Variants in SLC41A3 observed in about 807,000 individuals in gnomAD.
The protein encoded by SLC41A3 is solute carrier family 41 member 3.
A neutral mutation model predicts 45.4 loss-of-function variants in SLC41A3; 44 were observed. The observed-to-expected ratio is 0.97, with a 90% CI of 0.76 to 1.25. The LOEUF (loss-of-function observed/expected upper bound fraction) is 1.25. Ranked by LOEUF, SLC41A3 falls within the 50% of genes most tolerant of loss-of-function variation. The pLI, the probability that SLC41A3 is intolerant of heterozygous loss-of-function variation, is 0.00. For missense variants in SLC41A3, 550 were observed against 600.6 expected (o/e 0.92, Z 0.88); for synonymous variants, 256 against 252.4 (o/e 1.01, Z -0.13).
At chr3:126,030,905 T>G (rs1941751121) in intron 4 of SLC41A3, among the ~76,000 whole-genome samples, 1 of 152,224 alleles carries the variant, frequency 6.6e-6, no homozygotes, top group African/African-American at 2.4e-5. Context: ...GGGGGAAACT[T>G]TGGCTACAAT....
chr3:126,097,990 G>A (rs148976065), intron 1 of SLC41A3, among the ~76,000 whole-genome samples: 1 of 152,318 alleles, frequency 6.6e-6, no homozygotes, highest in Non-Finnish European at 1.5e-5. Flanking sequence ...AGGCCTGGCT[G>A]GAGTCTAAGC....
At chr3:126,070,971 T>C (rs146042119) in intron 1 of SLC41A3, among the ~76,000 whole-genome samples, 42 of 152,154 alleles carry the variant, frequency 2.8e-4, no homozygotes, top group Admixed American at 4.6e-4. Context: ...AAGGTGCTGA[T>C]TGTAATCCTC....
At chr3:126,030,969 T>C (rs1169919228) in intron 4 of SLC41A3, among the ~76,000 whole-genome samples, 2 of 152,336 alleles carry the variant, frequency 1.3e-5, no homozygotes, top group East Asian at 3.9e-4. Context: ...TTTGTGTATT[T>C]GTACAAAGCA....
chr3:126,046,961 C>CAAAAAAA (rs36095026), intron 3 of SLC41A3, among the ~76,000 whole-genome samples: 1 of 81,200 alleles, frequency 1.2e-5, no homozygotes, highest in African/African-American at 4.5e-5. Flanking sequence ...AACTCCATCT[C>CAAAAAAA]AAAAAAAAAA....
chr3:126,079,321 C>T (rs957296971), intron 1 of SLC41A3, among the ~76,000 whole-genome samples: 1 of 146,200 alleles, frequency 6.8e-6, no homozygotes, highest in East Asian at 2.0e-4. Context: ...AAAGCAAAAA[C>T]CAAAGGGGAA....
chr3:126,100,075 C>T (rs868531069), intron 1 of SLC41A3, among the ~76,000 whole-genome samples: 84 of 152,118 alleles, frequency 5.5e-4, no homozygotes, highest in African/African-American at 1.9e-3. Flanking sequence ...GTCATTCCCA[C>T]AAAGAACAGG....
rs183331837 is a variant in SLC41A3 at position 126,047,627 on chromosome 3, C to T, written c.381+3316G>A. On this transcript the variant is annotated intron_variant, in intron 3 of 10. Transcript: ENST00000360370. The stretch of plus-strand genomic sequence containing the variant: ...ATATGGTCAAATGACAAGGGTGCCA[C>T]GGACATTCAATGGGAAAAGGAGAGT... Among the ~76,000 whole-genome samples the T allele has an allele frequency of 4.7e-4, 72 of 152,162 alleles. 2 individuals are homozygous for T. The highest frequency in any genetic ancestry group is 4.6e-3 in the Admixed American group (70 of 15,282).
In SLC41A3 at chr3:126,016,885, G is replaced by T; in HGVS notation, c.746-10C>A. 1.2e-6 allele frequency: 2 copies of T among 1,609,908 alleles called. No homozygotes were observed. Among genetic ancestry groups the T allele is most frequent in the South Asian group, 1.1e-5 (1 of 90,702 alleles). On this transcript the variant is annotated splice_polypyrimidine_tract_variant and intron_variant, in intron 6 of 10. Coordinates refer to ENST00000360370, the MANE Select transcript of SLC41A3 (RefSeq NM_017836.4). The stretch of plus-strand genomic sequence containing the variant: ...GTCAGATACCGACTATCTGAAAGGA[G>T]AACAGGGACACACGCAGCTCATGTG...
In SLC41A3 at chr3:126,026,512, GC is replaced by G; in HGVS notation, c.454-34del. 6.3e-7 allele frequency: 1 copy of G among 1,589,620 alleles called. No homozygotes were observed. The highest frequency in any genetic ancestry group is 8.6e-7 in the Non-Finnish European group (1 of 1,167,374). On this transcript the variant is annotated intron_variant, in intron 4 of 10. Coordinates refer to ENST00000360370, the MANE Select transcript of SLC41A3 (RefSeq NM_017836.4). This position sits in a 1 kb window ranked among gnomAD's most constrained non-coding sequence, Gnocchi z 4.2. Reference sequence around the variant, plus strand: ...ACAGAAATCAGAAGCATGAAGGGGGGCCCCGGGGCCACAGCCACACTCCCTG... The same window carrying G: ...ACAGAAATCAGAAGCATGAAGGGGGGCCCGGGGCCACAGCCACACTCCCTG...
chr3:126,048,320 A>T lies in SLC41A3; in HGVS notation c.381+2623T>A, dbSNP rs535550053. Reference sequence around the variant, plus strand: ...TTGTTTTGAGGATTATTCTGAAACTACTTAAAAACTGGTTAATAGTTTGAA... The same window carrying T: ...TTGTTTTGAGGATTATTCTGAAACTTCTTAAAAACTGGTTAATAGTTTGAA... On this transcript the variant is annotated intron_variant, in intron 3 of 10. Transcript: ENST00000360370. 2.0e-5 allele frequency among the ~76,000 whole-genome samples: 3 copies of T among 152,316 alleles called. No homozygotes were observed. The East Asian group carries it at 5.8e-4, about 29-fold the overall frequency.
intron 6 of SLC41A3, among the ~76,000 whole-genome samples, chr3:126,021,571 GTTAC>G (rs1559819250): frequency 6.6e-6 from 1 of 152,102 alleles, no homozygotes; most frequent in Non-Finnish European, 1.5e-5. Context: ...CTGCCTGTCC[GTTAC>G]TTAATGAGAA....
Position 126,044,031 on chromosome 3 carries a change from T to C in SLC41A3, c.381+6912A>G, listed in dbSNP as rs74955739. 1.3e-3 allele frequency among the ~76,000 whole-genome samples: 192 copies of C among 152,266 alleles called. 5 individuals are homozygous for C. In the East Asian group the frequency reaches 0.015, roughly 12 times the overall value. ...AACAAAACAAAACAAAAAACAGGATTCAACTATATGTTGTCTATAAGAAAT... is the reference window on the plus strand; with the variant it reads ...AACAAAACAAAACAAAAAACAGGATCCAACTATATGTTGTCTATAAGAAAT... On this transcript the variant is annotated intron_variant, in intron 3 of 10. Transcript: ENST00000360370.
Position 126,012,556 on chromosome 3 carries a change from C to T in SLC41A3, c.1105+59G>A, listed in dbSNP as rs567528459. 1.6e-5 allele frequency: 26 copies of T among 1,601,608 alleles called. No homozygotes were observed. In the African/African-American group the frequency reaches 2.8e-4, roughly 17 times the overall value. ...CTACAAACACCAGATTCCAATGACA[C>T]CGATGTTTTCTTGTTTAAAGAAATG... On this transcript the variant is annotated intron_variant, in intron 9 of 10. Transcript: ENST00000360370.
At chr3:126,080,807 T>C (rs996277692) in intron 1 of SLC41A3, among the ~76,000 whole-genome samples, 1 of 152,126 alleles carries the variant, frequency 6.6e-6, no homozygotes, top group Non-Finnish European at 1.5e-5. Flanking sequence ...AAAAATTAGC[T>C]GGGTGTGGTG....
rs1361711601 is a variant in SLC41A3 at position 126,026,570 on chromosome 3, G to A, written c.454-91C>T. 1.4e-6 allele frequency: 2 copies of A among 1,478,892 alleles called. No individual in the cohort carries two copies. The highest frequency in any genetic ancestry group is 1.8e-6 in the Non-Finnish European group (2 of 1,094,114). 91.6% of individuals were successfully genotyped at this position (1,478,892 alleles called of 1,614,324 possible). A position where few individuals can be genotyped will look rare whatever the true frequency, so the allele number is the denominator to read the frequency against. Reference sequence around the variant, plus strand: ...ACACCTCACTCACCGCAAGGGGCCGGGTGCCACATGCTACTGCCTCCTTTC... The same window carrying A: ...ACACCTCACTCACCGCAAGGGGCCGAGTGCCACATGCTACTGCCTCCTTTC... On this transcript the variant is annotated intron_variant, in intron 4 of 10. Transcript: ENST00000360370. The surrounding 1 kb of genome is among the most constrained non-coding windows in gnomAD (Gnocchi z 4.2).
chr3:126,015,698 A>C, intron 7 of SLC41A3, 125 bp from the exon 8 acceptor site: 1 of 889,832 alleles, frequency 1.1e-6, no homozygotes, highest in Non-Finnish European at 1.8e-6. Flanking sequence ...CCTCTCCCCT[A>C]CACAAAATAT....
chr3:126,033,381 G>A (rs1034782801), intron 4 of SLC41A3, among the ~76,000 whole-genome samples: 2 of 152,192 alleles, frequency 1.3e-5, no homozygotes, highest in African/African-American at 2.4e-5. Flanking sequence ...TTGGAAAGGA[G>A]GGAGTGGGGA....
At chr3:126,057,197 T>G (rs1210639707) in intron 2 of SLC41A3, 1 of 983,728 alleles carries the variant, frequency 1.0e-6, no homozygotes, top group Admixed American at 6.1e-5. Flanking sequence ...TCATCTCAAG[T>G]TGTGTCCAGC....
At chr3:126,047,505 G>T (rs7635085) in intron 3 of SLC41A3, among the ~76,000 whole-genome samples, 1 of 152,090 alleles carries the variant, frequency 6.6e-6, no homozygotes, top group Admixed American at 6.5e-5. Context: ...TCATGACTTC[G>T]AAACTTATTA....
Sources: gnomAD v4.1 joint callset for allele counts (sites outside exome capture counted in the v4.1 genomes callset) on GRCh38, gnomAD v4.1.1 for gene constraint, Gnocchi (gnomAD v3.1) non-coding constraint, MANE v1.5 for transcripts, NCBI Gene and HGNC (gene_info 2026-07-23, HGNC 2026-07-21) for gene names.